The following RSPH14 variants were observed in gnomAD, a reference collection of about 807,000 sequenced individuals.
The protein encoded by RSPH14 is rhabdoid tumor deletion region gene 1.
Under a neutral mutation model 26.7 loss-of-function variants are expected in RSPH14, and 20 were observed. The ratio of observed to expected loss-of-function variants is 0.75; its 90% CI spans 0.53 to 1.09. The LOEUF (loss-of-function observed/expected upper bound fraction) is 1.09. Among genes scored for constraint, RSPH14 ranks in the 50% least tolerant of loss-of-function variants. The pLI, the probability that RSPH14 is intolerant of heterozygous loss-of-function variation, is 0.00. For synonymous variants in RSPH14, 177 were observed against 189.3 expected, an observed-to-expected ratio of 0.93 and a Z score of 0.53; for missense variants, 449 against 457.2, an observed-to-expected ratio of 0.98 and a Z score of 0.16.
chr22:23,060,954 G>A (rs2068082207), intron 6 of RSPH14, among the ~76,000 whole-genome samples: 1 of 152,140 alleles, frequency 6.6e-6, no homozygotes, highest in Non-Finnish European at 1.5e-5. Flanking sequence ...GGCTGAGGCT[G>A]CCCCAAGATA....
intron 4 of RSPH14, among the ~76,000 whole-genome samples, chr22:23,079,401 C>G (rs2068608402): frequency 6.6e-6 from 1 of 152,100 alleles, no homozygotes; most frequent in Non-Finnish European, 1.5e-5. Context: ...TGCACAGGCC[C>G]TGAGTTAAGA....
intron 4 of RSPH14, among the ~76,000 whole-genome samples, chr22:23,072,848 G>A (rs1357226165): frequency 6.6e-6 from 1 of 152,224 alleles, no homozygotes; most frequent in Admixed American, 6.5e-5. Flanking sequence ...GGCCCCACCA[G>A]AGTGGCCAGA....
intron 3 of RSPH14, chr22:23,136,367 G>A (rs1175804319): frequency 1.5e-6 from 1 of 662,766 alleles, no homozygotes; most frequent in Admixed American, 2.3e-5. Context: ...GGCAGTTCAG[G>A]GCAGCTACTT....
At chr22:23,095,653 G>A (rs1369394728) in intron 4 of RSPH14, 1 of 1,558,328 alleles carries the variant, frequency 6.4e-7, no homozygotes, top group Non-Finnish European at 8.7e-7. Context: ...AGGGAGAGGT[G>A]CCCCATCCCG....
At chr22:23,144,109 A>C (rs954997004), upstream of RSPH14, among the ~76,000 whole-genome samples, 7 of 150,942 alleles carry the variant, frequency 4.6e-5, no homozygotes, top group African/African-American at 1.2e-4. Context: ...AAAAAAAAAA[A>C]AAAAAAAAAA....
At position 23,097,297 on chromosome 22, in the gene RSPH14, C is replaced by G. The variant is rs1018316731; in HGVS notation, c.422-33164G>C. On this transcript the variant is annotated intron_variant, in intron 4 of 6. Transcript: ENST00000216036. ...GGGAGCACTGGCCTCCGAGGTCACT[C>G]CTTGCTTCACCCAGTCCTAAGGCAA... 4.6e-5 allele frequency among the ~76,000 whole-genome samples: 7 copies of G among 152,312 alleles called. No individual in the cohort carries two copies. In the East Asian group the frequency reaches 1.4e-3, roughly 29 times the overall value.
chr22:23,117,470 G>A (rs920400059), intron 4 of RSPH14, among the ~76,000 whole-genome samples: 27 of 152,194 alleles, frequency 1.8e-4, no homozygotes, highest in African/African-American at 5.1e-4. Flanking sequence ...CTCCCACTCC[G>A]TCCGGCTGAG....
chr22:23,128,171 G>A (rs1474210410), intron 4 of RSPH14, among the ~76,000 whole-genome samples: 1 of 152,200 alleles, frequency 6.6e-6, no homozygotes, highest in Non-Finnish European at 1.5e-5. Context: ...CTGTTCAACT[G>A]CACCCCAAAA....
intron 4 of RSPH14, among the ~76,000 whole-genome samples, chr22:23,090,564 C>G (rs151254165): frequency 2.4e-4 from 37 of 152,320 alleles, no homozygotes; most frequent in African/African-American, 8.2e-4. Context: ...CCTCTTGGCA[C>G]CAGCCACATG....
intron 4 of RSPH14, among the ~76,000 whole-genome samples, chr22:23,087,163 C>T (rs910387712): frequency 1.5e-4 from 23 of 152,242 alleles, no homozygotes; most frequent in African/African-American, 5.5e-4. Context: ...GGGGGCAGCA[C>T]CCACTCTTTA....
rs543629925 is a variant in RSPH14 at position 23,105,665 on chromosome 22, G to A, written c.421+28361C>T. Among the ~76,000 whole-genome samples the A allele has an allele frequency of 3.9e-5, 6 of 152,342 alleles. No homozygotes were observed. In the South Asian group the frequency reaches 8.3e-4, roughly 21 times the overall value. On this transcript the variant is annotated intron_variant, in intron 4 of 6. Coordinates refer to ENST00000216036, the MANE Select transcript of RSPH14 (RefSeq NM_014433.3). ...TGTGCTTTCTTCGCATGGTGATGGC[G>A]TGCAAGCTCCTGGCCAGGCCTGTGT...
chr22:23,102,421 G>A (rs2069329969), intron 4 of RSPH14, among the ~76,000 whole-genome samples: 1 of 152,208 alleles, frequency 6.6e-6, no homozygotes, highest in Non-Finnish European at 1.5e-5. Flanking sequence ...GGAGGATGCA[G>A]CCACAAGGCC....
At chr22:23,154,035 A>G in the RSPH14 span, among the ~76,000 whole-genome samples, 1 of 151,852 alleles carries the variant, frequency 6.6e-6, no homozygotes, top group East Asian at 1.9e-4. Context: ...CTGACTCACG[A>G]TGGCCTCCAC....
chr22:23,146,773 A>T (rs2070802723), upstream of RSPH14: 1 of 1,522,154 alleles, frequency 6.6e-7, no homozygotes, highest in Non-Finnish European at 8.8e-7. Context: ...GAAGTAAAGC[A>T]GGTGAATCAA....
rs770315642 is a variant in RSPH14, at chr22:23,064,126, T to C, written c.429A>G (p.Gln143=). The change falls in exon 5 of 7, where the codon CAA becomes CAG. Residue 143 remains glutamine (Q), a synonymous_variant. Transcript: ENST00000216036. ...AAATCAGACCTTTGCTGATGATCTC[T>C]TGGGCCCCTACAAGGCAGGAAAGGG... is the stretch of plus-strand genomic sequence containing the variant. The part of the protein sequence containing the change: ...MQLVQVPRGA[Q]EIISKGLISS... The C allele has an allele frequency of 6.2e-7, 1 of 1,614,076 alleles. No individual in the cohort carries two copies. The highest frequency in any genetic ancestry group is 8.5e-7 in the Non-Finnish European group (1 of 1,179,988).
chr22:23,179,575 G>A, the RSPH14 span: 2 of 152,364 alleles, frequency 1.3e-5, no homozygotes, highest in African/African-American at 4.8e-5. Flanking sequence ...AAACTACATT[G>A]ACCTCTGGAG....
chr22:23,127,973 A>C (rs2070225955), intron 4 of RSPH14, among the ~76,000 whole-genome samples: 1 of 149,574 alleles, frequency 6.7e-6, no homozygotes, highest in Non-Finnish European at 1.5e-5. Context: ...ATCCATCTCC[A>C]CCCCCGGGCT....
chr22:23,093,460 G>C (rs1425414608), intron 4 of RSPH14, among the ~76,000 whole-genome samples: 4 of 152,206 alleles, frequency 2.6e-5, no homozygotes, highest in African/African-American at 9.7e-5. Flanking sequence ...CCCGCACTCT[G>C]GCTGGGGGTA....
At chr22:23,158,034 A>G in the RSPH14 span, 1 of 1,614,060 alleles carries the variant, frequency 6.2e-7, no homozygotes, top group Non-Finnish European at 8.5e-7. Flanking sequence ...CAGACCCTGG[A>G]GCATACCAGG....
Sources: allele counts gnomAD v4.1 joint callset (sites outside exome capture counted in the v4.1 genomes callset), GRCh38; gene constraint gnomAD v4.1.1; transcripts MANE v1.5; gene names NCBI Gene and HGNC (gene_info 2026-07-23, HGNC 2026-07-21).